WASHC2C: variants seen among roughly 807,000 people sequenced by gnomAD.
The protein encoded by WASHC2C is Vaccinia Penetration Factor.
In WASHC2C, 73 loss-of-function variants were observed where a neutral mutation model predicts 142.2. The observed-to-expected ratio is 0.51, with a 90% CI of 0.43 to 0.62. WASHC2C has a LOEUF of 0.62. Among genes scored for constraint, WASHC2C ranks in the 20% least tolerant of loss-of-function variants. The pLI is 0.00. For missense variants in WASHC2C, 969 were observed against 1,531.7 expected (o/e 0.63, Z 6.13); for synonymous variants, 337 against 565.5 (o/e 0.60, Z 5.73).
intron 14 of WASHC2C, 24 bp from the exon 15 acceptor site, chr10:45,754,912 G>A (rs561361437): frequency 6.2e-7 from 1 of 1,611,758 alleles, no homozygotes; most frequent in Non-Finnish European, 8.5e-7. Context: ...CACAGCTGTG[G>A]CTGTCTTGTC....
In WASHC2C at chr10:45,789,363, A is replaced by C; in HGVS notation, c.3580A>C (p.Lys1194Gln). Residue 1194 changes from lysine (K) to glutamine (Q), a missense_variant, in exon 29 of 31, where the codon AAG becomes CAG. Coordinates refer to ENST00000623400, the MANE Select transcript of WASHC2C (RefSeq NM_001330074.2). ...TCAGTCTGCTAAACCAAAACCAGCA[A>C]AGAAAACAAATCCCTTTCCTCTCCT... The part of the protein sequence containing the change: ...LFQSAKPKPA[K>Q]KTNPFPLLED... 6.2e-7 allele frequency: 1 copy of C among 1,612,070 alleles called. No individual in the cohort carries two copies. Among genetic ancestry groups the C allele is most frequent in the Non-Finnish European group, 8.5e-7 (1 of 1,179,872 alleles).
Position 45,754,528 on chromosome 10 carries a change from C to T in WASHC2C, c.1223C>T (p.Ala408Val), listed in dbSNP as rs201903251. 1,260 of 1,601,764 alleles carry T rather than the reference C, an allele frequency of 7.9e-4. No homozygotes were observed. Among genetic ancestry groups the T allele is most frequent in the Admixed American group, 1.2e-3 (69 of 58,742 alleles). ...SKPGKKIPAG[A>V]VSVFLGDTDV... The stretch of plus-strand genomic sequence containing the variant: ...CCTGGAAAGAAAATCCCAGCAGGAG[C>T]TGTTTCTGTATTTTTAGGTAACATA... Residue 408 changes from alanine (A) to valine (V), a missense_variant, in exon 14 of 31, where the codon GCT becomes GTT. Coordinates refer to ENST00000623400, the MANE Select transcript of WASHC2C (RefSeq NM_001330074.2).
At chr10:45,785,739 A>G in intron 26 of WASHC2C, 108 bp downstream of exon 26, 1 of 1,599,706 alleles carries the variant, frequency 6.3e-7, no homozygotes, top group Non-Finnish European at 8.5e-7. Context: ...TAAGGAGGAA[A>G]CAGCAACCAG....
chr10:45,743,074 A>G (rs1471204246), intron 5 of WASHC2C, among the ~76,000 whole-genome samples: 436 of 151,652 alleles, frequency 2.9e-3, no homozygotes, highest in Middle Eastern at 6.8e-3. Context: ...ACGGGGTTTC[A>G]CCACGTTGGT....
Position 45,786,365 on chromosome 10 carries a change from T to G in WASHC2C, c.2812-247T>G, listed in dbSNP as rs1256095998. On this transcript the variant is annotated intron_variant, in intron 26 of 30. Transcript: ENST00000623400. ...TGATAAACTGTGACTCTTGGGAATC[T>G]TACTCATCTTGTATTCCTTGACTCC... 77 of 598,994 alleles carry G rather than the reference T, an allele frequency of 1.3e-4. 1 individual carries two copies. The highest frequency in any genetic ancestry group is 8.9e-4 in the Middle Eastern group (2 of 2,242). 37.1% of individuals were successfully genotyped at this position (598,994 alleles called of 1,614,324 possible). A position where few individuals can be genotyped will look rare whatever the true frequency, so the allele number is the denominator to read the frequency against.
In WASHC2C at chr10:45,774,905, A is replaced by G. The variant is rs2056921875; in HGVS notation, c.2142+1547A>G. ...ACATTGAATATAAGATAAAGTAAAT[A>G]TGTGGTTAATGTATTTTCCTCATTA... On this transcript the variant is annotated intron_variant, in intron 21 of 30. Transcript: ENST00000623400. Among the ~76,000 whole-genome samples, 2 of 139,984 alleles carry G rather than the reference A, an allele frequency of 1.4e-5. 1 individual carries two copies. The highest frequency in any genetic ancestry group is 3.2e-5 in the Non-Finnish European group (2 of 62,924). The allele number at this position is 139,984 out of a possible 152,430, so 91.8% of individuals were successfully genotyped here. A position where few individuals can be genotyped will look rare whatever the true frequency, so the allele number is the denominator to read the frequency against.
intron 3 of WASHC2C, among the ~76,000 whole-genome samples, chr10:45,732,394 C>A (rs1246260926): frequency 6.6e-6 from 1 of 152,152 alleles, no homozygotes; most frequent in Non-Finnish European, 1.5e-5. Context: ...AGAAGAAATA[C>A]TAATTAACAT....
intron 30 of WASHC2C, among the ~76,000 whole-genome samples, chr10:45,790,766 T>C (rs1258368040): frequency 6.6e-6 from 1 of 152,256 alleles, no homozygotes; most frequent in African/African-American, 2.4e-5. Context: ...GTTTGATGTT[T>C]AAGTATAATT....
intron 25 of WASHC2C, among the ~76,000 whole-genome samples, chr10:45,785,159 A>C (rs760516779): frequency 1.1e-4 from 16 of 152,204 alleles, no homozygotes; most frequent in Non-Finnish European, 2.2e-4. Flanking sequence ...CATCTGTGTG[A>C]TGTTTAAATG....
Position 45,743,456 on chromosome 10 carries a change from G to C in WASHC2C, c.595G>C (p.Val199Leu). The change falls in exon 6 of 31, where the codon GTA (valine) becomes CTA (leucine). Residue 199 changes from valine (V) to leucine (L), a missense_variant. Val to Leu is a conservative substitution (Grantham distance 32). Coordinates refer to ENST00000623400, the MANE Select transcript of WASHC2C (RefSeq NM_001330074.2). ...AAAGCTGTTCATGGAACAAGAAGAT[G>C]TAGGTCTTGGAGAGCTGTCCAGTGA... ...GSKLFMEQED[V>L]GLGELSSEEG... 6.2e-7 allele frequency: 1 copy of C among 1,611,924 alleles called. No individual in the cohort carries two copies. The highest frequency in any genetic ancestry group is 2.2e-5 in the East Asian group (1 of 44,854).
chr10:45,772,004 C>T (rs568601440), intron 20 of WASHC2C, among the ~76,000 whole-genome samples: 8 of 152,324 alleles, frequency 5.3e-5, no homozygotes, highest in Admixed American at 5.2e-4. Flanking sequence ...ACCCAAATGT[C>T]CATCAACTGA....
chr10:45,784,270 A>ATATATATGTG (rs2057792703), intron 23 of WASHC2C, among the ~76,000 whole-genome samples: 1 of 5,756 alleles, frequency 1.7e-4, no homozygotes, highest in African/African-American at 3.1e-4. Context: ...ATATATATAT[A>ATATATATGTG]TATATATATA....
chr10:45,727,266 G>C lies in WASHC2C; in HGVS notation c.-52G>C. 2 of 1,523,922 alleles carry C rather than the reference G, an allele frequency of 1.3e-6. No homozygotes were observed. The highest frequency in any genetic ancestry group is 1.4e-5 in the African/African-American group (1 of 69,268). The allele number at this position is 1,523,922 out of a possible 1,614,324, so 94.4% of individuals were successfully genotyped here. On this transcript the variant is annotated 5_prime_UTR_variant, in exon 1 of 31. Coordinates refer to ENST00000623400, the MANE Select transcript of WASHC2C (RefSeq NM_001330074.2). ...TGGGGCTAGGCTTCCGGGGCTCTGCGGTCCTCGGCCTGTGCTGGCAGCCTC... is the reference window on the plus strand; with the variant it reads ...TGGGGCTAGGCTTCCGGGGCTCTGCCGTCCTCGGCCTGTGCTGGCAGCCTC...
chr10:45,736,318 A>ATGGCG (rs2051238178), intron 3 of WASHC2C, among the ~76,000 whole-genome samples: 1 of 139,978 alleles, frequency 7.1e-6, no homozygotes, highest in Non-Finnish European at 1.5e-5. Context: ...AGGCAGGAGA[A>ATGGCG]TGGCGTGAAC....
At chr10:45,782,780 C>A (rs1554888421) in intron 23 of WASHC2C, among the ~76,000 whole-genome samples, 1 of 150,918 alleles carries the variant, frequency 6.6e-6, no homozygotes, top group African/African-American at 2.4e-5. Context: ...CTGATACATG[C>A]TGCCACATGG....
chr10:45,733,854 C>G (rs1426353651), intron 3 of WASHC2C, among the ~76,000 whole-genome samples: 2 of 152,114 alleles, frequency 1.3e-5, no homozygotes, highest in Admixed American at 6.5e-5. Context: ...GTGAAATTTC[C>G]TCAGCTTGAG....
At chr10:45,764,002 T>TC (rs1158922247) in intron 18 of WASHC2C, among the ~76,000 whole-genome samples, 1 of 152,118 alleles carries the variant, frequency 6.6e-6, no homozygotes, top group Non-Finnish European at 1.5e-5. Context: ...GTGCCTGGCT[T>TC]CTTGACACAG....
At chr10:45,768,160 G>T (rs1207294246) in intron 19 of WASHC2C, among the ~76,000 whole-genome samples, 1 of 151,208 alleles carries the variant, frequency 6.6e-6, no homozygotes, top group Admixed American at 6.6e-5. Flanking sequence ...CCGGGAGGCA[G>T]AGGTTGCAGT....
At chr10:45,786,367 A>G (rs2058042396) in intron 26 of WASHC2C, 1 of 601,252 alleles carries the variant, frequency 1.7e-6, no homozygotes, top group Non-Finnish European at 3.0e-6. Context: ...TGGGAATCTT[A>G]CTCATCTTGT....
Sources: allele counts gnomAD v4.1 joint callset (sites outside exome capture counted in the v4.1 genomes callset), GRCh38; gene constraint gnomAD v4.1.1; transcripts MANE v1.5; gene names NCBI Gene and HGNC (gene_info 2026-07-23, HGNC 2026-07-21).